SLC9A4: variants seen among roughly 807,000 people sequenced by gnomAD.
SLC9A4 encodes solute carrier family 9 member A4, also known as sodium/hydrogen exchanger 4.
SLC9A4 carries 63 observed loss-of-function variants against 67.4 expected under a neutral mutation model. The observed-to-expected ratio is 0.93, with a 90% CI of 0.76 to 1.15. The LOEUF (loss-of-function observed/expected upper bound fraction) is 1.15, where lower values mean the gene tolerates loss of function less well. SLC9A4 is among the 50% of genes most tolerant of loss of function. The pLI, the probability that SLC9A4 is intolerant of heterozygous loss-of-function variation, is 0.00. For missense variants in SLC9A4, 1,089 were observed against 987.7 expected (o/e 1.10, Z -1.38); for synonymous variants, 393 against 367.2 (o/e 1.07, Z -0.80).
chr2:102,508,219 C>T lies in SLC9A4; in HGVS notation c.1339C>T (p.Pro447Ser), dbSNP rs1303324637. ...ATTTTTGCTTCCTCTGTCTCTTTTT[C>T]CTAGGAAGAAAATGTTTGTCACTGC... ...LAFLLPLSLFPRKKMFVTATL... is the reference protein window; with the variant it reads ...LAFLLPLSLFSRKKMFVTATL... Residue 447 changes from proline to serine, a missense_variant, in exon 5 of 12, where the codon CCT (proline) becomes TCT (serine). Pro to Ser is a moderately conservative substitution (Grantham distance 74). Transcript: ENST00000295269. The T allele has an allele frequency of 1.9e-6, 3 of 1,614,118 alleles. No individual in the cohort carries two copies. The highest frequency in any genetic ancestry group is 2.2e-5 in the East Asian group (1 of 44,890).
At chr2:102,525,277 C>A in intron 10 of SLC9A4, 122 bp downstream of exon 10, 1 of 1,435,948 alleles carries the variant, frequency 7.0e-7, no homozygotes, top group Admixed American at 2.1e-5. Context: ...CAAAACCCCA[C>A]CTTGTTACCT....
intron 11 of SLC9A4, 80 bp downstream of exon 11, chr2:102,526,426 A>G (rs1290325798): frequency 7.9e-7 from 1 of 1,264,436 alleles, no homozygotes; most frequent in Non-Finnish European, 1.1e-6. Flanking sequence ...CCAAGAGGCA[A>G]CATTAAGAAC....
At chr2:102,508,522 C>T (rs1173846382) in intron 5 of SLC9A4, among the ~76,000 whole-genome samples, 2 of 152,176 alleles carry the variant, frequency 1.3e-5, no homozygotes, top group African/African-American at 4.8e-5. Context: ...CTAATAGTCA[C>T]TCCATATTTC....
chr2:102,523,529 T>C (rs546987574), intron 9 of SLC9A4, among the ~76,000 whole-genome samples: 1 of 152,334 alleles, frequency 6.6e-6, no homozygotes, highest in South Asian at 2.1e-4. Context: ...GCTTAATCTG[T>C]TTTGTATTTG....
At chr2:102,506,632 C>G (rs539254459) in intron 4 of SLC9A4, among the ~76,000 whole-genome samples, 1 of 152,258 alleles carries the variant, frequency 6.6e-6, no homozygotes, top group South Asian at 2.1e-4. Context: ...CTCCCTCAAC[C>G]ACAGAATGAT....
chr2:102,525,021 C>T lies in SLC9A4; in HGVS notation c.1819-3C>T. On this transcript the variant is annotated splice_polypyrimidine_tract_variant and splice_region_variant and intron_variant, in intron 9 of 11. Coordinates refer to ENST00000295269, the MANE Select transcript of SLC9A4 (RefSeq NM_001011552.4). ...CGTATTTGACATTCCATTTTCTCTG[C>T]AGACCCTGTCCTACAACAAATACAA... is the stretch of plus-strand genomic sequence containing the variant. 2 of 1,613,816 alleles carry T rather than the reference C, an allele frequency of 1.2e-6. No individual in the cohort carries two copies. Among genetic ancestry groups the T allele is most frequent in the Non-Finnish European group, 1.7e-6 (2 of 1,179,814 alleles).
chr2:102,519,725 A>T, intron 8 of SLC9A4, 134 bp from the exon 9 acceptor site: 1 of 702,658 alleles, frequency 1.4e-6, no homozygotes, highest in Non-Finnish European at 2.2e-6. Context: ...TTACTAGAAC[A>T]ATAGGAAAAA....
chr2:102,478,725 G>A, intron 1 of SLC9A4, 114 bp from the exon 2 acceptor site: 1 of 1,019,482 alleles, frequency 9.8e-7, no homozygotes, highest in South Asian at 1.6e-5. Context: ...GGGACGCTGA[G>A]GCTGAGATGC....
At chr2:102,474,080 C>A in intron 1 of SLC9A4, 65 bp downstream of exon 1, 1 of 1,544,402 alleles carries the variant, frequency 6.5e-7, no homozygotes, top group Non-Finnish European at 8.8e-7. Context: ...TGTGAAAATG[C>A]CTTATAGATA....
Position 102,473,946 on chromosome 2 carries a change from G to A in SLC9A4, c.187G>A (p.Asp63Asn). The change falls in exon 1 of 12, where the codon GAT (aspartate) becomes AAT (asparagine). Residue 63 changes from aspartate (D) to asparagine (N), a missense_variant. Physicochemically the swap from Asp to Asn is conservative, Grantham distance 23. Transcript: ENST00000295269. ...PEEGISVFEL[D>N]YDYVQIPYEV... ...GGAAGGGATATCTGTTTTTGAACTG[G>A]ATTATGACTATGTGCAAATTCCTTA... 1 of 1,614,054 alleles carries A rather than the reference G, an allele frequency of 6.2e-7. No individual in the cohort carries two copies. The highest frequency in any genetic ancestry group is 8.5e-7 in the Non-Finnish European group (1 of 1,179,944).
rs546870082 is a variant in SLC9A4, at chr2:102,487,478, G to C, written c.720+8176G>C. Among the ~76,000 whole-genome samples, 20 of 152,298 alleles carry C rather than the reference G, an allele frequency of 1.3e-4. No individual in the cohort carries two copies. In the East Asian group the frequency reaches 2.1e-3, roughly 16 times the overall value. On this transcript the variant is annotated intron_variant, in intron 2 of 11. Coordinates refer to ENST00000295269, the MANE Select transcript of SLC9A4 (RefSeq NM_001011552.4). ...AAGCCACAGACTTGCCCTTTAAGGA[G>C]CAGCCTGAGGGGTGTGGGCTAATCC...
At chr2:102,474,214 T>C (rs530242367) in intron 1 of SLC9A4, among the ~76,000 whole-genome samples, 199 bp downstream of exon 1, 1 of 152,340 alleles carries the variant, frequency 6.6e-6, no homozygotes, top group East Asian at 1.9e-4. Flanking sequence ...TCTTTGAAAT[T>C]TGAGAGCATA....
At chr2:102,526,599 A>G (rs1674670413) in intron 11 of SLC9A4, among the ~76,000 whole-genome samples, 1 of 152,230 alleles carries the variant, frequency 6.6e-6, no homozygotes, top group South Asian at 2.1e-4. Flanking sequence ...TTAAAAATGT[A>G]CTAACCATTT....
At chr2:102,503,737 A>T (rs1463787568) in intron 3 of SLC9A4, 30 bp downstream of exon 3, 5 of 1,604,760 alleles carry the variant, frequency 3.1e-6, no homozygotes, top group African/African-American at 1.3e-5. Context: ...CAAGTCACAT[A>T]GTAATAGAAA....
At chr2:102,497,959 C>T (rs2104427997) in intron 2 of SLC9A4, among the ~76,000 whole-genome samples, 1 of 152,214 alleles carries the variant, frequency 6.6e-6, no homozygotes. Flanking sequence ...CAAACTTTTA[C>T]AGTGGCATCA....
intron 1 of SLC9A4, among the ~76,000 whole-genome samples, chr2:102,474,609 C>T (rs1684289988): frequency 6.6e-6 from 1 of 152,166 alleles, no homozygotes; most frequent in Non-Finnish European, 1.5e-5. Context: ...GCCAGTGAGG[C>T]ACCTCTAATT....
intron 1 of SLC9A4, among the ~76,000 whole-genome samples, chr2:102,474,941 G>C (rs1573322221): frequency 6.6e-6 from 1 of 152,164 alleles, no homozygotes; most frequent in South Asian, 2.1e-4. Context: ...TGTGTAATGT[G>C]GGTTGAGCCT....
chr2:102,519,747 A>G, intron 8 of SLC9A4, 112 bp from the exon 9 acceptor site: 2 of 863,210 alleles, frequency 2.3e-6, no homozygotes, highest in East Asian at 2.9e-5. Context: ...TATATGTAGG[A>G]TTCTGGAACT....
chr2:102,528,503 G>A (rs1324648685), intron 11 of SLC9A4, among the ~76,000 whole-genome samples: 1 of 151,784 alleles, frequency 6.6e-6, no homozygotes, highest in African/African-American at 2.4e-5. Context: ...CGGGCACAAG[G>A]GATCCTCCTG....
Sources: allele counts gnomAD v4.1 joint callset (sites outside exome capture counted in the v4.1 genomes callset), GRCh38; gene constraint gnomAD v4.1.1; transcripts MANE v1.5; gene names NCBI Gene and HGNC (gene_info 2026-07-23, HGNC 2026-07-21).